MYO15A: variants seen among roughly 807,000 people sequenced by gnomAD.
MYO15A encodes the protein myosin XVA, also known as unconventional myosin-XV.
A neutral mutation model predicts 394.6 loss-of-function variants in MYO15A; 308 were observed. The ratio of observed to expected loss-of-function variants is 0.78; its 90% CI spans 0.71 to 0.86. MYO15A has a LOEUF of 0.86. MYO15A is among the 40% of genes least tolerant of loss of function. The pLI, the probability that MYO15A is intolerant of heterozygous loss-of-function variation, is 0.00. For synonymous variants in MYO15A, 1,957 were observed against 2,003.8 expected (o/e 0.98, Z 0.62); for missense variants, 4,606 against 4,799.1 (o/e 0.96, Z 1.19).
chr17:18,133,423 C>T lies in MYO15A; in HGVS notation c.4482+37C>T, dbSNP rs527955752. ...CCACAGCCTGCCATGGGGCCCGCAC[C>T]CTCTGGACTTGGCCGTCTTTTCCAA... On this transcript the variant is annotated intron_variant, in intron 12 of 65. Coordinates refer to ENST00000647165, the MANE Select transcript of MYO15A (RefSeq NM_016239.4). 33 of 1,608,212 alleles carry T rather than the reference C, an allele frequency of 2.1e-5. No individual in the cohort carries two copies. The South Asian group carries it at 3.6e-4, about 18-fold the overall frequency.
At position 18,121,244 on chromosome 17, in the gene MYO15A, G is replaced by T. The variant is rs751697034; in HGVS notation, c.2444G>T (p.Arg815Leu). Residue 815 changes from arginine to leucine, a missense_variant, in exon 2 of 66, where the codon CGC becomes CTC. Transcript: ENST00000647165. The surrounding 1 kb of genome is among the most constrained non-coding windows in gnomAD (Gnocchi z 5.3). ...PFQPPFLPPA[R>L]RPRSLQESPA... ...CAGCCGCCCTTCCTGCCCCCGGCCC[G>T]CCGGCCCCGCTCGCTGCAGGAGTCC... The T allele has an allele frequency of 1.5e-5, 22 of 1,473,786 alleles. No individual in the cohort carries two copies. Among genetic ancestry groups the T allele is most frequent in the Non-Finnish European group, 1.7e-5 (19 of 1,116,956 alleles). The allele number at this position is 1,473,786 out of a possible 1,614,324, so 91.3% of individuals were successfully genotyped here. A position where few individuals can be genotyped will look rare whatever the true frequency, so the allele number is the denominator to read the frequency against.
rs1012118319 is a variant in MYO15A, at chr17:18,121,553, C to A, written c.2753C>A (p.Thr918Lys). ...ESPREPEDSE[T>K]PWTVPPLAPS... The stretch of plus-strand genomic sequence containing the variant: ...CCGCGAGAACCCGAGGACTCAGAGA[C>A]GCCCTGGACTGTGCCCCCACTGGCC... Residue 918 changes from threonine (T) to lysine (K), a missense_variant, in exon 2 of 66, where the codon ACG becomes AAG. By Grantham distance (78) the Thr-to-Lys change is moderately conservative (BLOSUM62 -1). Coordinates refer to ENST00000647165, the MANE Select transcript of MYO15A (RefSeq NM_016239.4). The surrounding 1 kb of genome is among the most constrained non-coding windows in gnomAD (Gnocchi z 5.3). 3.2e-6 allele frequency: 5 copies of A among 1,584,272 alleles called. No homozygotes were observed. The highest frequency in any genetic ancestry group is 1.7e-5 in the Admixed American group (1 of 57,230).
chr17:18,119,039 T>C lies in MYO15A; in HGVS notation c.239T>C (p.Leu80Pro). 1 of 1,612,474 alleles carries C rather than the reference T, an allele frequency of 6.2e-7. No individual in the cohort carries two copies. The highest frequency in any genetic ancestry group is 8.5e-7 in the Non-Finnish European group (1 of 1,179,876). The change falls in exon 2 of 66, where the codon CTC becomes CCC. Residue 80 changes from leucine to proline, a missense_variant. Transcript: ENST00000647165. ...CGCAAGAGGAAGGCCCGCACCGTGC[T>C]CAAGTCCACGTCAAAGCTCATGACG... ...TKRKRKARTV[L>P]KSTSKLMTQM...
At position 18,154,637 on chromosome 17, in the gene MYO15A, G is replaced by T. The variant is rs201332480; in HGVS notation, c.8149-43G>T. On this transcript the variant is annotated intron_variant, in intron 44 of 65. Coordinates refer to ENST00000647165, the MANE Select transcript of MYO15A (RefSeq NM_016239.4). ...TATAGTCCAGCCTGGGTCCCAGCTG[G>T]GGGAGTCCCATGTGCTGCCTGCATC... 355 of 1,601,014 alleles carry T rather than the reference G, an allele frequency of 2.2e-4. No homozygotes were observed. In the South Asian group the frequency reaches 3.7e-3, roughly 17 times the overall value.
intron 35 of MYO15A, 70 bp downstream of exon 35, chr17:18,149,650 T>A: frequency 6.7e-7 from 1 of 1,494,582 alleles, no homozygotes; most frequent in Non-Finnish European, 9.3e-7. Context: ...CACACACTTG[T>A]ACAGGGTGAC....
At chr17:18,162,459 G>A in intron 57 of MYO15A, 126 bp from the exon 58 acceptor site, 1 of 804,802 alleles carries the variant, frequency 1.2e-6, no homozygotes, top group Admixed American at 2.0e-5. Context: ...TGTCAAATGG[G>A]GGAGTAAATG....
Position 18,119,940 on chromosome 17 carries a change from T to C in MYO15A, c.1140T>C (p.Tyr380=). ...ACGGAGTCCACTACACCGTCCCCTA[T>C]GCCGAAGGCGTCTATGGCGGTGGGG... ...DPYGVHYTVP[Y]AEGVYGGGDE... is the part of the protein sequence containing the mutation. The change falls in exon 2 of 66, where the codon TAT becomes TAC. Residue 380 remains tyrosine, a synonymous_variant. Transcript: ENST00000647165. 6.2e-7 allele frequency: 1 copy of C among 1,613,630 alleles called. No homozygotes were observed. The highest frequency in any genetic ancestry group is 8.5e-7 in the Non-Finnish European group (1 of 1,180,000).
At chr17:18,126,749 A>G in intron 5 of MYO15A, 42 bp from the exon 6 acceptor site, 1 of 1,602,170 alleles carries the variant, frequency 6.2e-7, no homozygotes, top group Non-Finnish European at 8.6e-7. Context: ...GAGGTGTGGG[A>G]GCTTAGAGGC....
Position 18,159,662 on chromosome 17 carries a change from C to A in MYO15A, c.9286C>A (p.Leu3096Ile). Residue 3096 changes from leucine (L) to isoleucine (I), a missense_variant, in exon 55 of 66, where the codon CTT becomes ATT. Leu to Ile is a conservative substitution (Grantham distance 5). Around this residue, in one of 2 missense-constraint regions of MYO15A, gnomAD observed 2,776 missense variants for 3,109.3 expected, o/e 0.89. Coordinates refer to ENST00000647165, the MANE Select transcript of MYO15A (RefSeq NM_016239.4). The stretch of plus-strand genomic sequence containing the variant: ...GAAGGGCCAGAGTGACCTGGACGTG[C>A]TTTGTAACCTCCTGAAGGTCAGTCC... The part of the protein sequence containing the change: ...PLKGQSDLDV[L>I]CNLLKLCGDH... The A allele has an allele frequency of 6.2e-7, 1 of 1,614,112 alleles. No homozygotes were observed. Among genetic ancestry groups the A allele is most frequent in the South Asian group, 1.1e-5 (1 of 91,076 alleles).
intron 17 of MYO15A, 74 bp downstream of exon 17, chr17:18,138,320 T>TCTGG: frequency 1.9e-6 from 3 of 1,541,064 alleles, no homozygotes; most frequent in Non-Finnish European, 2.6e-6. Context: ...CCACCCTGAC[T>TCTGG]CCTTCATTCC....
At position 18,121,500 on chromosome 17, in the gene MYO15A, G is replaced by A; in HGVS notation, c.2700G>A (p.Trp900Ter). ...PFHRPPRAGAWRAPLEHRESP... is the reference protein window; with the variant it reads ...PFHRPPRAGA ...ACCGACCGCCCAGGGCCGGGGCCTGGCGGGCGCCCCTGGAACACCGGGAGA... is the reference window on the plus strand; with the variant it reads ...ACCGACCGCCCAGGGCCGGGGCCTGACGGGCGCCCCTGGAACACCGGGAGA... Residue 900 changes from tryptophan (W) to a stop codon, truncating the protein, a stop_gained, in exon 2 of 66, where the codon TGG becomes TGA. Transcript: ENST00000647165. LOFTEE classifies it high-confidence loss of function. This position sits in a 1 kb window ranked among gnomAD's most constrained non-coding sequence, Gnocchi z 5.3. 2 of 1,552,748 alleles carry A rather than the reference G, an allele frequency of 1.3e-6. No homozygotes were observed. The highest frequency in any genetic ancestry group is 1.2e-5 in the South Asian group (1 of 84,204).
rs369283278 is a variant in MYO15A at position 18,136,608 on chromosome 17, C to G, written c.4701C>G (p.Leu1567=). 6.2e-7 allele frequency: 1 copy of G among 1,613,964 alleles called. No homozygotes were observed. The highest frequency in any genetic ancestry group is 8.5e-7 in the Non-Finnish European group (1 of 1,180,038). The change falls in exon 15 of 66, where the codon CTC becomes CTG. Residue 1567 remains leucine (L), a synonymous_variant. Coordinates refer to ENST00000647165, the MANE Select transcript of MYO15A (RefSeq NM_016239.4). The part of the protein sequence containing the change: ...KVLYALLFSW[L]ITRVNALVSP... ...TGTATGCACTGCTGTTCAGCTGGCT[C>G]ATCACCAGGGTCAACGCGCTGGTGT... is the stretch of plus-strand genomic sequence containing the variant.
In MYO15A at chr17:18,155,966, G is replaced by T. The variant is rs2046667489; in HGVS notation, c.8460-229G>T. Reference sequence around the variant, plus strand: ...TTAGAGCTTGGACCAAGGGACAAAGGGTGGAGAGGGGCCGGAGTGTCAGCC... The same window carrying T: ...TTAGAGCTTGGACCAAGGGACAAAGTGTGGAGAGGGGCCGGAGTGTCAGCC... On this transcript the variant is annotated intron_variant, in intron 47 of 65. Coordinates refer to ENST00000647165, the MANE Select transcript of MYO15A (RefSeq NM_016239.4). 10 of 590,624 alleles carry T rather than the reference G, an allele frequency of 1.7e-5. No homozygotes were observed. The East Asian group carries it at 3.0e-4, about 18-fold the overall frequency. The allele number at this position is 590,624 out of a possible 1,614,324, so 36.6% of individuals were successfully genotyped here. A position where few individuals can be genotyped will look rare whatever the true frequency, so the allele number is the denominator to read the frequency against.
chr17:18,160,928 C>T (rs1347060183), intron 56 of MYO15A: 1 of 374,340 alleles, frequency 2.7e-6, no homozygotes, highest in Non-Finnish European at 5.2e-6. Flanking sequence ...TTTAGAACCA[C>T]TCAGCTTGTC....
chr17:18,115,622 A>G (rs1366189993), intron 1 of MYO15A, among the ~76,000 whole-genome samples: 1 of 152,038 alleles, frequency 6.6e-6, no homozygotes, highest in East Asian at 1.9e-4. Flanking sequence ...TGTCTCAAAA[A>G]AAAAAGACTG....
chr17:18,173,856 C>A lies in MYO15A; in HGVS notation c.10426C>A (p.Pro3476Thr). Residue 3476 changes from proline (P) to threonine (T), a missense_variant, in exon 65 of 66, where the codon CCC (proline) becomes ACC (threonine). Physicochemically the swap from Pro to Thr is conservative, Grantham distance 38. Around this residue, in one of 2 missense-constraint regions of MYO15A, gnomAD observed 2,776 missense variants for 3,109.3 expected, o/e 0.89. Coordinates refer to ENST00000647165, the MANE Select transcript of MYO15A (RefSeq NM_016239.4). ...TQRPTANSSY[P>T]YVEIALGDVA... ...GCGGCCCACGGCCAACTCCAGCTAC[C>A]CCTATGTGGAGATTGCGCTGGGGGA... is the stretch of plus-strand genomic sequence containing the variant. 1 of 1,613,304 alleles carries A rather than the reference C, an allele frequency of 6.2e-7. No individual in the cohort carries two copies. The highest frequency in any genetic ancestry group is 8.5e-7 in the Non-Finnish European group (1 of 1,179,488).
intron 1 of MYO15A, among the ~76,000 whole-genome samples, chr17:18,116,738 T>A (rs1258195765): frequency 6.6e-6 from 1 of 151,966 alleles, no homozygotes; most frequent in South Asian, 2.1e-4. Flanking sequence ...CCGGCCAACA[T>A]GGTAAAAACC....
intron 8 of MYO15A, 50 bp from the exon 9 acceptor site, chr17:18,131,189 C>A: frequency 6.4e-7 from 1 of 1,554,644 alleles, no homozygotes; most frequent in South Asian, 1.1e-5. Flanking sequence ...ACCCAGGCCC[C>A]CAGAACAGTG....
rs749503936 is a variant in MYO15A, at chr17:18,166,435, G to A, written c.9862G>A (p.Gly3288Ser). The change falls in exon 61 of 66, where the codon GGC (glycine) becomes AGC (serine). Residue 3288 changes from glycine (G) to serine (S), a missense_variant. Around this residue, in one of 2 missense-constraint regions of MYO15A, gnomAD observed 2,776 missense variants for 3,109.3 expected, o/e 0.89. Coordinates refer to ENST00000647165, the MANE Select transcript of MYO15A (RefSeq NM_016239.4). ...CTCAGAGATGGAGCAGGTGGACGGCGGCTACATGCTCTGGTTCCGGCGTGT... is the reference window on the plus strand; with the variant it reads ...CTCAGAGATGGAGCAGGTGGACGGCAGCTACATGCTCTGGTTCCGGCGTGT... ...VASEMEQVDG[G>S]YMLWFRRVLW... 1.5e-5 allele frequency: 24 copies of A among 1,613,932 alleles called. No homozygotes were observed. The highest frequency in any genetic ancestry group is 3.3e-5 in the South Asian group (3 of 91,082).
Sources: gnomAD v4.1 joint callset for allele counts (sites outside exome capture counted in the v4.1 genomes callset) on GRCh38, gnomAD v4.1.1 for gene constraint, gnomAD v4.1.1 regional missense constraint, Gnocchi (gnomAD v3.1) non-coding constraint, MANE v1.5 for transcripts, NCBI Gene and HGNC (gene_info 2026-07-23, HGNC 2026-07-21) for gene names.